Variants in GRIK4 observed in about 807,000 individuals in gnomAD.
The protein encoded by GRIK4 is glutamate ionotropic receptor kainate type subunit 4.
A neutral mutation model predicts 104.9 loss-of-function variants in GRIK4; 40 were observed. That is an observed-to-expected ratio of 0.38 (90% confidence interval 0.30 to 0.50). The LOEUF (loss-of-function observed/expected upper bound fraction) is 0.50. GRIK4 is among the 20% of genes least tolerant of loss of function. The pLI is 0.93. For missense variants in GRIK4, 1,047 were observed against 1,308.1 expected, an observed-to-expected ratio of 0.80 and a Z score of 3.08; for synonymous variants, 485 against 524.9, an observed-to-expected ratio of 0.92 and a Z score of 1.04.
chr11:120,552,678 C>T (rs1019330682), intron 1 of GRIK4, among the ~76,000 whole-genome samples: 3 of 152,022 alleles, frequency 2.0e-5, no homozygotes, highest in Admixed American at 6.6e-5. Flanking sequence ...GGGTTTAGCT[C>T]GACTTGGGAT....
intron 4 of GRIK4, among the ~76,000 whole-genome samples, chr11:120,812,766 G>T (rs528211171): frequency 6.6e-6 from 1 of 152,228 alleles, no homozygotes; most frequent in Non-Finnish European, 1.5e-5. Flanking sequence ...ACGTCCAGCA[G>T]GTGGTTGGAA....
intron 19 of GRIK4, among the ~76,000 whole-genome samples, chr11:120,968,169 G>A (rs10892655): frequency 0.049 from 7,505 of 152,248 alleles, 239 homozygotes; most frequent in Middle Eastern, 0.1. Flanking sequence ...TTACTGAGAT[G>A]TATGGCTAAG....
At chr11:120,832,706 A>G (rs11218018) in intron 7 of GRIK4, among the ~76,000 whole-genome samples, 51,389 of 152,038 alleles carry the variant, frequency 0.34, 9,327 homozygotes, top group East Asian at 0.51. Flanking sequence ...GGGCAGTGCC[A>G]GCCCCTGAGT....
At chr11:120,672,302 G>A (rs1158274779) in intron 3 of GRIK4, among the ~76,000 whole-genome samples, 1 of 152,100 alleles carries the variant, frequency 6.6e-6, no homozygotes, top group African/African-American at 2.4e-5. Context: ...TGCAATCCCA[G>A]CTACTCAGGA....
intron 8 of GRIK4, among the ~76,000 whole-genome samples, chr11:120,842,906 A>G (rs907330026): frequency 3.9e-5 from 6 of 152,266 alleles, no homozygotes; most frequent in African/African-American, 1.4e-4. Flanking sequence ...AGGAAGCTCA[A>G]TTTGAGCTAA....
At chr11:120,585,494 G>A (rs763119585) in intron 1 of GRIK4, among the ~76,000 whole-genome samples, 4 of 152,056 alleles carry the variant, frequency 2.6e-5, no homozygotes, top group Non-Finnish European at 5.9e-5. Flanking sequence ...GATTACAGGT[G>A]TGAGCTACTG....
At chr11:120,833,312 ACG>A (rs909434810) in intron 7 of GRIK4, among the ~76,000 whole-genome samples, 13 of 141,874 alleles carry the variant, frequency 9.2e-5, no homozygotes, top group Admixed American at 6.4e-4. Flanking sequence ...ACACACACAC[ACG>A]GAAACACAAT....
intron 3 of GRIK4, among the ~76,000 whole-genome samples, chr11:120,699,417 A>G (rs1446555136): frequency 1.3e-5 from 2 of 152,148 alleles, no homozygotes; most frequent in Admixed American, 6.5e-5. Context: ...CATTCTACAA[A>G]TAAATATTTA....
At chr11:120,667,317 C>T (rs1434138143) in intron 3 of GRIK4, among the ~76,000 whole-genome samples, 1 of 152,280 alleles carries the variant, frequency 6.6e-6, no homozygotes, top group Non-Finnish European at 1.5e-5. Context: ...AAGAACCCTG[C>T]TAATTCTTTT....
chr11:120,711,319 G>A (rs535397131), intron 3 of GRIK4, among the ~76,000 whole-genome samples: 1 of 152,270 alleles, frequency 6.6e-6, no homozygotes, highest in South Asian at 2.1e-4. Flanking sequence ...TTCTCAGTGG[G>A]CTCACCAAGG....
chr11:120,677,067 G>GT (rs974536171), intron 3 of GRIK4, among the ~76,000 whole-genome samples: 2 of 152,112 alleles, frequency 1.3e-5, no homozygotes, highest in Non-Finnish European at 2.9e-5. Flanking sequence ...AAGCTGATGT[G>GT]TTTTTTTCAA....
chr11:120,967,173 G>T lies in GRIK4; in HGVS notation c.2267-22G>T. ...CAGGGCATTCACAACCTGTGTCCTG[G>T]GCTCTCCCGTAACCCCCGCAGGCTC... is the stretch of plus-strand genomic sequence containing the variant. On this transcript the variant is annotated intron_variant, in intron 18 of 20. Coordinates refer to ENST00000527524, the MANE Select transcript of GRIK4 (RefSeq NM_014619.5). The surrounding 1 kb of genome is among the most constrained non-coding windows in gnomAD (Gnocchi z 4.2). The T allele has an allele frequency of 6.2e-7, 1 of 1,605,926 alleles. No homozygotes were observed.
intron 8 of GRIK4, among the ~76,000 whole-genome samples, chr11:120,860,013 C>T (rs1954219961): frequency 6.6e-6 from 1 of 152,146 alleles, no homozygotes; most frequent in Non-Finnish European, 1.5e-5. Flanking sequence ...AAGGGTGGCG[C>T]CAGGGGCCTA....
intron 14 of GRIK4, among the ~76,000 whole-genome samples, chr11:120,944,910 A>G (rs1243033040): frequency 1.1e-5 from 1 of 91,648 alleles, no homozygotes; most frequent in Non-Finnish European, 2.7e-5. Context: ...AGTGCCTGAC[A>G]TATACACAAT....
intron 3 of GRIK4, among the ~76,000 whole-genome samples, chr11:120,793,337 G>T (rs1404237801): frequency 1.3e-5 from 2 of 152,054 alleles, no homozygotes; most frequent in African/African-American, 4.8e-5. Context: ...GGTCAGGGTG[G>T]TCAGGGGAGG....
chr11:120,646,055 C>G (rs550276839), intron 1 of GRIK4, among the ~76,000 whole-genome samples: 2 of 152,268 alleles, frequency 1.3e-5, no homozygotes, highest in South Asian at 4.1e-4. Context: ...AACTGATTGT[C>G]GATTAAGGCA....
In GRIK4 at chr11:120,583,739, G is replaced by T. The variant is rs548728386; in HGVS notation, c.-158-69946G>T. The stretch of plus-strand genomic sequence containing the variant: ...ATGAATTTTAAAACAGTTTTTCCTA[G>T]TTCTGTGAAGAATGTCATTGGTAGT... On this transcript the variant is annotated intron_variant, in intron 1 of 20. Coordinates refer to ENST00000527524, the MANE Select transcript of GRIK4 (RefSeq NM_014619.5). Among the ~76,000 whole-genome samples, 5 of 152,228 alleles carry T rather than the reference G, an allele frequency of 3.3e-5. No homozygotes were observed. In the South Asian group the frequency reaches 1.0e-3, roughly 32 times the overall value.
intron 3 of GRIK4, among the ~76,000 whole-genome samples, chr11:120,693,796 C>T (rs1483353750): frequency 6.6e-6 from 1 of 152,162 alleles, no homozygotes; most frequent in Non-Finnish European, 1.5e-5. Context: ...CCATTTTCCA[C>T]CTTGGAGGGC....
chr11:120,819,608 G>A lies in GRIK4; in HGVS notation c.346-147G>A. The A allele has an allele frequency of 2.3e-5, 16 of 702,926 alleles. No homozygotes were observed. The South Asian group carries it at 2.4e-4, about 10-fold the overall frequency. 43.5% of individuals were successfully genotyped at this position (702,926 alleles called of 1,614,324 possible). A position where few individuals can be genotyped will look rare whatever the true frequency, so the allele number is the denominator to read the frequency against. ...CTCGTCTTCCTCCCACGGAGTGGGT[G>A]CCCTGGGAGCTCCTTCTCCCATTGG... On this transcript the variant is annotated intron_variant, in intron 5 of 20. Transcript: ENST00000527524. The surrounding 1 kb of genome is among the most constrained non-coding windows in gnomAD (Gnocchi z 4.3).
Sources: gnomAD v4.1 joint callset for allele counts (sites outside exome capture counted in the v4.1 genomes callset) on GRCh38, gnomAD v4.1.1 for gene constraint, Gnocchi (gnomAD v3.1) non-coding constraint, MANE v1.5 for transcripts, NCBI Gene and HGNC (gene_info 2026-07-23, HGNC 2026-07-21) for gene names.